Variants in PALM2AKAP2 observed in about 807,000 individuals in gnomAD.
The protein encoded by PALM2AKAP2 is PALM2-AKAP2 fusion protein.
A neutral mutation model predicts 71.5 loss-of-function variants in PALM2AKAP2; 37 were observed. That is an observed-to-expected ratio of 0.52 (90% CI 0.40 to 0.68). The LOEUF (loss-of-function observed/expected upper bound fraction) is 0.68. PALM2AKAP2 is among the 30% of genes least tolerant of loss of function. The pLI is 0.00. For missense variants in PALM2AKAP2, 1,224 were observed against 1,191.8 expected (o/e 1.03, Z -0.40); for synonymous variants, 468 against 478.8 (o/e 0.98, Z 0.29).
intron 2 of PALM2AKAP2, among the ~76,000 whole-genome samples, chr9:109,868,981 C>G (rs940776561): frequency 6.6e-6 from 1 of 152,220 alleles, no homozygotes; most frequent in African/African-American, 2.4e-5. Flanking sequence ...AGCTAGGTCT[C>G]TGGCTCAGAG....
rs7862044 is a variant in PALM2AKAP2 at position 110,156,301 on chromosome 9, T to C, written c.2570-18T>C. The C allele has an allele frequency of 0.69, 1,060,168 of 1,545,472 alleles. 366,798 individuals are homozygous for C. Among genetic ancestry groups the C allele is most frequent in the East Asian group, 0.97 (42,250 of 43,716 alleles). On this transcript the variant is annotated intron_variant, in intron 2 of 3. Coordinates refer to ENST00000374525, the Ensembl canonical transcript of PALM2AKAP2. ...AGCAGACAAGCTTAGAAAGGGTATT[T>C]TCTTCGTGTTGTTTCAGGGAAAATA...
At chr9:109,711,628 A>G (rs10759361) in intron 1 of PALM2AKAP2, among the ~76,000 whole-genome samples, 22,357 of 152,286 alleles carry the variant, frequency 0.15, 2,064 homozygotes, top group Non-Finnish European at 0.21. Flanking sequence ...GGCACCTGAC[A>G]TAACAGAGCT....
At chr9:109,927,363 G>C (rs1830980693) in intron 5 of PALM2AKAP2, among the ~76,000 whole-genome samples, 1 of 152,146 alleles carries the variant, frequency 6.6e-6, no homozygotes. Flanking sequence ...GACCCTCTTA[G>C]AATCATCCAA....
chr9:110,036,609 A>C (rs981271002), intron 7 of PALM2AKAP2, among the ~76,000 whole-genome samples: 1 of 152,202 alleles, frequency 6.6e-6, no homozygotes, highest in Non-Finnish European at 1.5e-5. Flanking sequence ...GTGATGTTAT[A>C]AAAATCTAAA....
chr9:110,062,900 T>C (rs995505197), intron 1 of PALM2AKAP2, among the ~76,000 whole-genome samples: 13 of 152,208 alleles, frequency 8.5e-5, no homozygotes, highest in African/African-American at 2.9e-4. Flanking sequence ...AAAAAATACC[T>C]GCCTTCCCTA....
chr9:110,000,583 G>A (rs372655456), intron 6 of PALM2AKAP2, among the ~76,000 whole-genome samples: 9 of 152,164 alleles, frequency 5.9e-5, no homozygotes, highest in Admixed American at 1.3e-4. Flanking sequence ...CTGAGGAATC[G>A]CCACACTGAC....
chr9:109,789,592 T>C (rs1474529328), intron 1 of PALM2AKAP2, among the ~76,000 whole-genome samples: 2 of 152,186 alleles, frequency 1.3e-5, no homozygotes, highest in African/African-American at 2.4e-5. Flanking sequence ...CTCTTGTATA[T>C]CTTAAAACAC....
intron 1 of PALM2AKAP2, among the ~76,000 whole-genome samples, chr9:109,707,272 C>G (rs1273121132): frequency 1.3e-5 from 2 of 152,038 alleles, no homozygotes; most frequent in South Asian, 2.1e-4. Flanking sequence ...GAACTGCCCC[C>G]CTACCACCAC....
At chr9:109,692,525 G>A (rs1485942039) in intron 1 of PALM2AKAP2, among the ~76,000 whole-genome samples, 1 of 151,942 alleles carries the variant, frequency 6.6e-6, no homozygotes, top group Non-Finnish European at 1.5e-5. Flanking sequence ...CCTGATCTTA[G>A]GAGAAAGCAT....
chr9:109,820,322 C>G (rs923152543), intron 1 of PALM2AKAP2, among the ~76,000 whole-genome samples: 2 of 152,152 alleles, frequency 1.3e-5, no homozygotes, highest in African/African-American at 2.4e-5. Flanking sequence ...AAGACATTCT[C>G]AAAAGAGAAT....
chr9:109,991,049 T>C (rs1233270837), intron 6 of PALM2AKAP2, among the ~76,000 whole-genome samples: 1 of 152,014 alleles, frequency 6.6e-6, no homozygotes, highest in Non-Finnish European at 1.5e-5. Flanking sequence ...TTTCTGACTG[T>C]TGGGGGTTCT....
intron 3 of PALM2AKAP2, among the ~76,000 whole-genome samples, chr9:109,907,195 G>A (rs1830464901): frequency 6.6e-6 from 1 of 152,276 alleles, no homozygotes; most frequent in African/African-American, 2.4e-5. Context: ...TTTTGGTCTT[G>A]CAATTTGAGC....
intron 1 of PALM2AKAP2, among the ~76,000 whole-genome samples, chr9:109,803,183 G>A (rs577504811): frequency 2.6e-5 from 4 of 152,310 alleles, no homozygotes; most frequent in South Asian, 4.1e-4. Flanking sequence ...ATTATAATGC[G>A]AGAGGAAACA....
chr9:109,695,549 T>C (rs751900431), intron 1 of PALM2AKAP2, among the ~76,000 whole-genome samples: 1 of 152,196 alleles, frequency 6.6e-6, no homozygotes, highest in Non-Finnish European at 1.5e-5. Context: ...TGATGATTAG[T>C]GTTGTTGAAC....
chr9:110,156,466 C>G (rs1031277772), exon 3 of PALM2AKAP2: 2 of 1,610,686 alleles, frequency 1.2e-6, no homozygotes, highest in Non-Finnish European at 1.7e-6. Flanking sequence ...ACACACAAAT[C>G]TAAAAGGCGC....
At chr9:110,089,041 TAA>T (rs1382582756) in intron 1 of PALM2AKAP2, among the ~76,000 whole-genome samples, 1 of 152,096 alleles carries the variant, frequency 6.6e-6, no homozygotes, top group East Asian at 1.9e-4. Context: ...TTAAGTTAAC[TAA>T]ATACAATTTA....
At chr9:109,841,557 TG>T (rs1828679453) in intron 1 of PALM2AKAP2, among the ~76,000 whole-genome samples, 1 of 7,158 alleles carries the variant, frequency 1.4e-4, no homozygotes, top group Non-Finnish European at 2.4e-4. Flanking sequence ...GAGGGGAGGG[TG>T]GGGGGATGGA....
chr9:109,781,272 G>A (rs1829444401), intron 1 of PALM2AKAP2, among the ~76,000 whole-genome samples: 1 of 152,170 alleles, frequency 6.6e-6, no homozygotes, highest in African/African-American at 2.4e-5. Flanking sequence ...GCCTAGATTT[G>A]AGCAATCTTA....
chr9:109,784,654 AG>A (rs1380359029), intron 1 of PALM2AKAP2, among the ~76,000 whole-genome samples: 1 of 152,240 alleles, frequency 6.6e-6, no homozygotes, highest in Non-Finnish European at 1.5e-5. Context: ...CATATTTTAT[AG>A]GTGAGGAGGT....
Sources: allele counts gnomAD v4.1 joint callset (sites outside exome capture counted in the v4.1 genomes callset), GRCh38; gene constraint gnomAD v4.1.1; transcripts MANE v1.5; gene names NCBI Gene and HGNC (gene_info 2026-07-23, HGNC 2026-07-21).